PTPRN2: variants seen among roughly 807,000 people sequenced by gnomAD.
The protein encoded by PTPRN2 is receptor-type tyrosine-protein phosphatase N2.
A neutral mutation model predicts 118.8 loss-of-function variants in PTPRN2; 74 were observed. The ratio of observed to expected loss-of-function variants is 0.62; its 90% CI spans 0.52 to 0.76. The LOEUF (loss-of-function observed/expected upper bound fraction) is 0.76. Ranked by LOEUF, PTPRN2 falls within the 30% of genes least tolerant of loss-of-function variation. The pLI is 0.00. For missense variants in PTPRN2, 1,481 were observed against 1,394.4 expected (o/e 1.06, Z -0.99); for synonymous variants, 641 against 608.0 (o/e 1.05, Z -0.80).
At chr7:157,901,008 G>A (rs1029463719) in intron 11 of PTPRN2, among the ~76,000 whole-genome samples, 3 of 152,208 alleles carry the variant, frequency 2.0e-5, no homozygotes, top group African/African-American at 7.2e-5. Flanking sequence ...CAAGAAGCAT[G>A]GCACAGGTGT....
intron 12 of PTPRN2, among the ~76,000 whole-genome samples, chr7:157,843,498 G>A (rs2151188888): frequency 6.6e-6 from 1 of 152,284 alleles, no homozygotes; most frequent in East Asian, 1.9e-4. Context: ...AAAGGACTGT[G>A]CCTCTGAGCC....
intron 6 of PTPRN2, among the ~76,000 whole-genome samples, chr7:158,162,919 G>A (rs953716026): frequency 4.6e-5 from 7 of 152,166 alleles, no homozygotes; most frequent in African/African-American, 1.7e-4. Flanking sequence ...CCGACCGTGC[G>A]ACAGGAGGGT....
intron 12 of PTPRN2, among the ~76,000 whole-genome samples, chr7:157,804,743 C>T (rs1805523424): frequency 6.6e-6 from 1 of 152,238 alleles, no homozygotes; most frequent in Non-Finnish European, 1.5e-5. Context: ...CACCATTCAG[C>T]AAGATCTGAC....
intron 11 of PTPRN2, among the ~76,000 whole-genome samples, chr7:158,037,523 A>C (rs2128886912): frequency 6.6e-6 from 1 of 152,344 alleles, no homozygotes; most frequent in Middle Eastern, 3.4e-3. Context: ...TGTTCCGAGT[A>C]CTGTAGGCAA....
chr7:158,143,858 C>T (rs1208243520), intron 6 of PTPRN2, among the ~76,000 whole-genome samples: 2 of 152,128 alleles, frequency 1.3e-5, no homozygotes, highest in African/African-American at 4.8e-5. Context: ...ACAGCAGGCA[C>T]CACAAGGCCT....
intron 2 of PTPRN2, among the ~76,000 whole-genome samples, chr7:158,323,168 G>A (rs1803179118): frequency 1.3e-5 from 2 of 152,282 alleles, no homozygotes; most frequent in East Asian, 3.9e-4. Context: ...GGCGAGACAT[G>A]GAAGGCGTCC....
Position 157,610,560 on chromosome 7 carries a change from A to G in PTPRN2, c.2345-6485T>C, listed in dbSNP as rs562466496. 6.6e-6 allele frequency among the ~76,000 whole-genome samples: 1 copy of G among 152,334 alleles called. No individual in the cohort carries two copies. Among genetic ancestry groups the G allele is most frequent in the East Asian group, 1.9e-4 (1 of 5,182 alleles). On this transcript the variant is annotated intron_variant, in intron 15 of 22. Coordinates refer to ENST00000389418, the MANE Select transcript of PTPRN2 (RefSeq NM_002847.5). This position sits in a 1 kb window ranked among gnomAD's most constrained non-coding sequence, Gnocchi z 5.1. ...CGAGGTCTGAGGGCTGCAAAGGCAC[A>G]TCCCGGGGCTGCTGGCCGTCAGCAA...
chr7:158,532,929 G>T, intron 1 of PTPRN2: 1 of 418,746 alleles, frequency 2.4e-6, no homozygotes, highest in Non-Finnish European at 5.0e-6. Flanking sequence ...CCTCCTGACT[G>T]GCCTCTCTCT....
At chr7:158,443,226 C>T (rs534034843) in intron 2 of PTPRN2, among the ~76,000 whole-genome samples, 4 of 152,184 alleles carry the variant, frequency 2.6e-5, no homozygotes, top group Admixed American at 2.6e-4. Flanking sequence ...GCTCCAAGCC[C>T]ATCTTCCGTG....
At chr7:158,268,583 C>A (rs562883186) in intron 3 of PTPRN2, among the ~76,000 whole-genome samples, 46 of 122,506 alleles carry the variant, frequency 3.8e-4, no homozygotes, top group African/African-American at 1.3e-3. Context: ...GCACACAGGG[C>A]GGGTGTGAAA....
intron 21 of PTPRN2, among the ~76,000 whole-genome samples, chr7:157,567,417 G>A (rs1218197207): frequency 6.6e-6 from 1 of 152,214 alleles, no homozygotes; most frequent in Non-Finnish European, 1.5e-5. Context: ...GGTAGGTGTG[G>A]GGTGTGGGGC....
At chr7:158,550,741 C>T (rs1736457382) in intron 1 of PTPRN2, among the ~76,000 whole-genome samples, 2 of 152,242 alleles carry the variant, frequency 1.3e-5, no homozygotes, top group Non-Finnish European at 2.9e-5. Flanking sequence ...TCATAGGCGT[C>T]GTTAATGGGC....
At chr7:157,878,327 C>T (rs956769512) in intron 12 of PTPRN2, among the ~76,000 whole-genome samples, 7 of 146,794 alleles carry the variant, frequency 4.8e-5, no homozygotes, top group African/African-American at 1.3e-4. Flanking sequence ...TCTCGGATTC[C>T]GTGGGGCTGG....
intron 10 of PTPRN2, among the ~76,000 whole-genome samples, chr7:158,082,340 T>C (rs1021911356): frequency 6.6e-6 from 1 of 152,224 alleles, no homozygotes; most frequent in African/African-American, 2.4e-5. Context: ...ACCCAGGCTG[T>C]GGATTTTGCA....
intron 2 of PTPRN2, among the ~76,000 whole-genome samples, chr7:158,364,509 G>T (rs1361655386): frequency 6.6e-6 from 1 of 152,234 alleles, no homozygotes. Flanking sequence ...ATTTTTTAAA[G>T]ATCTCCTAAG....
At chr7:157,952,185 C>G (rs1331356037) in intron 11 of PTPRN2, among the ~76,000 whole-genome samples, 3 of 152,174 alleles carry the variant, frequency 2.0e-5, no homozygotes, top group African/African-American at 7.2e-5. Context: ...GGGAGCCCCC[C>G]AGAGCCCCCC....
At chr7:157,639,900 A>G (rs543039574) in intron 14 of PTPRN2, among the ~76,000 whole-genome samples, 12 of 152,300 alleles carry the variant, frequency 7.9e-5, no homozygotes, top group Admixed American at 5.9e-4. Flanking sequence ...GCTCAAACAC[A>G]TGAGTGATCT....
chr7:158,058,544 C>T lies in PTPRN2; in HGVS notation c.1723+22754G>A, dbSNP rs34439324. Among the ~76,000 whole-genome samples the T allele has an allele frequency of 6.8e-3, 565 of 82,576 alleles. 10 individuals are homozygous for T. The highest frequency in any genetic ancestry group is 0.013 in the Middle Eastern group (1 of 80). The allele number at this position is 82,576 out of a possible 152,430, so 54.2% of individuals were successfully genotyped here. A position where few individuals can be genotyped will look rare whatever the true frequency, so the allele number is the denominator to read the frequency against. ...ACTGCAGCCACACTCCATCTGCACA[C>T]GGTGAGACATCACTGCAGCCACACT... On this transcript the variant is annotated intron_variant, in intron 11 of 22. Coordinates refer to ENST00000389418, the MANE Select transcript of PTPRN2 (RefSeq NM_002847.5).
chr7:158,281,394 G>A (rs935573765), intron 3 of PTPRN2, among the ~76,000 whole-genome samples: 1 of 152,178 alleles, frequency 6.6e-6, no homozygotes, highest in Non-Finnish European at 1.5e-5. Flanking sequence ...AGGCAAATAG[G>A]AATACCAGGA....
Sources: allele counts gnomAD v4.1 joint callset (sites outside exome capture counted in the v4.1 genomes callset), GRCh38; gene constraint gnomAD v4.1.1; non-coding constraint Gnocchi (gnomAD v3.1); transcripts MANE v1.5; gene names NCBI Gene and HGNC (gene_info 2026-07-23, HGNC 2026-07-21).